AXIN1: variants seen among roughly 807,000 people sequenced by gnomAD.
AXIN1 encodes axin 1.
In AXIN1, 30 loss-of-function variants were observed where a neutral mutation model predicts 76.4. That is an observed-to-expected ratio of 0.39 (90% CI 0.29 to 0.53). The LOEUF (loss-of-function observed/expected upper bound fraction) is 0.53. Ranked by LOEUF, AXIN1 falls within the 20% of genes least tolerant of loss-of-function variation. The probability of loss-of-function intolerance (pLI) is 0.66; values close to 1 mark genes in which losing one functional copy is unlikely to be tolerated. For missense variants in AXIN1, 1,140 were observed against 1,198.8 expected (o/e 0.95, Z 0.72); for synonymous variants, 545 against 501.4 (o/e 1.09, Z -1.16).
At chr16:327,670 A>C (rs572989275) in intron 2 of AXIN1, among the ~76,000 whole-genome samples, 2 of 152,358 alleles carry the variant, frequency 1.3e-5, no homozygotes, top group South Asian at 4.1e-4. Context: ...CCAACAGCTC[A>C]AACTGTGGCC....
intron 3 of AXIN1, among the ~76,000 whole-genome samples, chr16:310,671 A>G (rs2053154434): frequency 6.6e-6 from 1 of 152,236 alleles, no homozygotes; most frequent in Admixed American, 6.5e-5. Flanking sequence ...TGCTGGGAGT[A>G]ATTACAGGCG....
intron 4 of AXIN1, 127 bp from the exon 5 acceptor site, chr16:304,568 TCTGTCACC>T (rs2052967342): frequency 1.4e-6 from 2 of 1,426,328 alleles, no homozygotes; most frequent in Non-Finnish European, 1.9e-6. Context: ...AAACTCTTGC[TCTGTCACC>T]CAGGCTGGAG....
At chr16:341,921 T>A (rs533734261) in intron 2 of AXIN1, among the ~76,000 whole-genome samples, 1 of 152,222 alleles carries the variant, frequency 6.6e-6, no homozygotes, top group South Asian at 2.1e-4. Context: ...ATCTAGCTAA[T>A]CTGGTGAGGA....
At chr16:315,832 GAAAAAA>G (rs922939817) in intron 2 of AXIN1, among the ~76,000 whole-genome samples, 1 of 72,668 alleles carries the variant, frequency 1.4e-5, no homozygotes, top group Admixed American at 1.7e-4. Flanking sequence ...TGTCTCAAAA[GAAAAAA>G]AAAAAAAAAA....
At position 288,215 on chromosome 16, in the gene AXIN1, G is replaced by A. The variant is rs765293571; in HGVS notation, c.2496C>T (p.Asp832=). ...GAACCTCCTCAAACACCACCCCACA[G>A]TCAAACTCGTCGCTCACTTTCTTGA... ...YYFKKVSDEF[D]CGVVFEEVRE... is the part of the protein sequence containing the mutation. Residue 832 remains aspartate, a synonymous_variant, in exon 11 of 11, where the codon GAC becomes GAT. Coordinates refer to ENST00000262320, the MANE Select transcript of AXIN1 (RefSeq NM_003502.4). 9.9e-6 allele frequency: 16 copies of A among 1,613,706 alleles called. No homozygotes were observed. The East Asian group carries it at 3.3e-4, about 34-fold the overall frequency.
At chr16:291,367 A>G in intron 8 of AXIN1, 70 bp from the exon 9 acceptor site, 1 of 1,306,156 alleles carries the variant, frequency 7.7e-7, no homozygotes, top group African/African-American at 1.5e-5. Flanking sequence ...GCCTCGACCA[A>G]TGCTGCTGCG....
intron 2 of AXIN1, among the ~76,000 whole-genome samples, chr16:319,331 C>A (rs1394137340): frequency 2.0e-5 from 3 of 152,072 alleles, no homozygotes; most frequent in Non-Finnish European, 4.4e-5. Flanking sequence ...GTCTCAAAAA[C>A]AAAAATGTCG....
intron 2 of AXIN1, among the ~76,000 whole-genome samples, chr16:319,589 C>T (rs1165878768): frequency 6.6e-6 from 1 of 152,168 alleles, no homozygotes; most frequent in African/African-American, 2.4e-5. Context: ...GTCAGGGCCA[C>T]ACAGAAGGTC....
chr16:314,492 G>T (rs1329726215), intron 3 of AXIN1, 51 bp downstream of exon 3: 1 of 1,611,100 alleles, frequency 6.2e-7, no homozygotes, highest in Non-Finnish European at 8.5e-7. Flanking sequence ...TCTGGGACCG[G>T]ACTTACACAC....
chr16:325,105 C>T (rs985893523), intron 2 of AXIN1, among the ~76,000 whole-genome samples: 27 of 151,354 alleles, frequency 1.8e-4, no homozygotes, highest in African/African-American at 6.1e-4. Flanking sequence ...GCCTCAGCCC[C>T]GCGGGCGGCC....
intron 5 of AXIN1, among the ~76,000 whole-genome samples, chr16:303,117 C>T (rs1435505400): frequency 2.0e-5 from 3 of 152,250 alleles, no homozygotes; most frequent in Non-Finnish European, 4.4e-5. Context: ...TCGCCTCAGC[C>T]TCCCATAGTG....
At chr16:309,852 ACGCCTAGAG>A (rs1347184478) in intron 4 of AXIN1, 112 bp downstream of exon 4, 4 of 927,836 alleles carry the variant, frequency 4.3e-6, no homozygotes, top group Non-Finnish European at 6.9e-6. Flanking sequence ...TCACACGCTT[ACGCCTAGAG>A]GTAAGCCTGG....
intron 6 of AXIN1, 47 bp downstream of exon 6, chr16:297,675 C>T (rs2052751097): frequency 6.5e-7 from 1 of 1,536,318 alleles, no homozygotes; most frequent in South Asian, 1.2e-5. Flanking sequence ...TCTGCAGGGA[C>T]ACAGCCTCAC....
Position 346,179 on chromosome 16 carries a change from T to C in AXIN1, c.847A>G (p.Ser283Gly). 2 of 1,613,886 alleles carry C rather than the reference T, an allele frequency of 1.2e-6. No homozygotes were observed. The highest frequency in any genetic ancestry group is 1.7e-6 in the Non-Finnish European group (2 of 1,180,030). ...LETAAPRVSS[S>G]RRYSEGREFR... ...TCTCTGCCTTCGCTGTACCGTCTAC[T>C]GGAGGAGACCCTCGGGGCAGCTGTC... Residue 283 changes from serine (S) to glycine (G), a missense_variant, in exon 2 of 11, where the codon AGT becomes GGT. Ser to Gly is a moderately conservative substitution (Grantham distance 56, BLOSUM62 0). Around this residue, in one of 3 missense-constraint regions of AXIN1, gnomAD observed 708 missense variants for 776.9 expected, o/e 0.91. Coordinates refer to ENST00000262320, the MANE Select transcript of AXIN1 (RefSeq NM_003502.4).
At chr16:339,864 C>G (rs1289055769) in intron 2 of AXIN1, among the ~76,000 whole-genome samples, 2 of 152,064 alleles carry the variant, frequency 1.3e-5, no homozygotes, top group South Asian at 2.1e-4. Flanking sequence ...GGGGGCGACC[C>G]CACCCTGGGC....
chr16:297,624 C>A, intron 6 of AXIN1, 98 bp downstream of exon 6: 1 of 1,430,888 alleles, frequency 7.0e-7, no homozygotes. Context: ...CTGTTGCTGG[C>A]GGTCCTGGGT....
intron 2 of AXIN1, among the ~76,000 whole-genome samples, chr16:323,047 G>T (rs1048104527): frequency 7.2e-5 from 11 of 152,180 alleles, no homozygotes; most frequent in Non-Finnish European, 1.3e-4. Flanking sequence ...CCAGCACTTG[G>T]GAGACTGAGG....
At chr16:325,665 C>T (rs887530825) in intron 2 of AXIN1, among the ~76,000 whole-genome samples, 4 of 152,260 alleles carry the variant, frequency 2.6e-5, no homozygotes, top group Admixed American at 1.3e-4. Context: ...GCTGCCACAG[C>T]GTCGTGTGTA....
intron 2 of AXIN1, among the ~76,000 whole-genome samples, chr16:316,007 C>T (rs1289962059): frequency 6.6e-6 from 1 of 151,968 alleles, no homozygotes; most frequent in African/African-American, 2.4e-5. Flanking sequence ...AAGCTGAGAT[C>T]GCAGCACTGC....
Sources: allele counts gnomAD v4.1 joint callset (sites outside exome capture counted in the v4.1 genomes callset), GRCh38; gene constraint gnomAD v4.1.1; regional missense constraint gnomAD v4.1.1; transcripts MANE v1.5; gene names NCBI Gene and HGNC (gene_info 2026-07-23, HGNC 2026-07-21).